CCDC85A: variants seen among roughly 807,000 people sequenced by gnomAD.
The protein encoded by CCDC85A is coiled-coil domain containing 85A.
A neutral mutation model predicts 50.2 loss-of-function variants in CCDC85A; 38 were observed. That is an observed-to-expected ratio of 0.76 (90% CI 0.58 to 0.99). The LOEUF (loss-of-function observed/expected upper bound fraction) is 0.99, where lower values mean the gene tolerates loss of function less well. Ranked by LOEUF, CCDC85A falls within the 50% of genes least tolerant of loss-of-function variation. The pLI is 0.00. For synonymous variants in CCDC85A, 366 were observed against 301.4 expected, an observed-to-expected ratio of 1.21 and a Z score of -2.22; for missense variants, 820 against 742.0, an observed-to-expected ratio of 1.11 and a Z score of -1.22.
rs1213953129 is a variant in CCDC85A at position 56,343,048 on chromosome 2, T to TAAATG, written c.1317+95_1317+99dup. 9 of 861,298 alleles carry TAAATG rather than the reference T, an allele frequency of 1.0e-5. No homozygotes were observed. In the African/African-American group the frequency reaches 1.5e-4, roughly 15 times the overall value. The allele number at this position is 861,298 out of a possible 1,614,324, so 53.4% of individuals were successfully genotyped here. A position where few individuals can be genotyped will look rare whatever the true frequency, so the allele number is the denominator to read the frequency against. On this transcript the variant is annotated intron_variant, in intron 3 of 5. Coordinates refer to ENST00000407595, the MANE Select transcript of CCDC85A (RefSeq NM_001080433.2). ...AAAAGCTCAATGACGTTTTGTCTTT[T>TAAATG]AAATGATAGAAATCATTTTGTAAAT...
intron 2 of CCDC85A, among the ~76,000 whole-genome samples, chr2:56,272,777 G>C (rs2104068625): frequency 6.6e-6 from 1 of 152,258 alleles, no homozygotes; most frequent in African/African-American, 2.4e-5. Context: ...TTTTCTGACT[G>C]ACTGCTTTTC....
At chr2:56,343,097 G>A (rs1674457851) in intron 3 of CCDC85A, 142 bp downstream of exon 3, 1 of 577,716 alleles carries the variant, frequency 1.7e-6, no homozygotes, top group African/African-American at 1.9e-5. Context: ...TGTAGAGTGT[G>A]ATTATGTTCC....
At chr2:56,354,083 C>G (rs953532886) in intron 3 of CCDC85A, among the ~76,000 whole-genome samples, 1 of 152,192 alleles carries the variant, frequency 6.6e-6, no homozygotes, top group African/African-American at 2.4e-5. Context: ...GAAGCCATGA[C>G]ATTTCTCATA....
rs746199201 is a variant in CCDC85A at position 56,384,252 on chromosome 2, T to C, written c.1573-14T>C. The C allele has an allele frequency of 3.9e-6, 3 of 775,112 alleles. No individual in the cohort carries two copies. The highest frequency in any genetic ancestry group is 5.5e-6 in the Non-Finnish European group (3 of 546,864). 48.0% of individuals were successfully genotyped at this position (775,112 alleles called of 1,614,324 possible). On this transcript the variant is annotated splice_polypyrimidine_tract_variant and intron_variant, in intron 5 of 5. Transcript: ENST00000407595. ...GGAAAAGTAAGATACTCACTCCTTC[T>C]TTTTTTTTTTAAGGTTGTGTGGAGG...
chr2:56,208,743 G>T (rs1229823332), intron 2 of CCDC85A, among the ~76,000 whole-genome samples: 2 of 152,044 alleles, frequency 1.3e-5, no homozygotes, highest in East Asian at 3.9e-4. Flanking sequence ...ATGATAAAGG[G>T]CAGGCACAGC....
intron 2 of CCDC85A, among the ~76,000 whole-genome samples, chr2:56,211,762 C>G (rs114454724): frequency 0.021 from 3,199 of 152,090 alleles, 40 homozygotes; most frequent in Middle Eastern, 0.088. Flanking sequence ...CCCCTATCCC[C>G]TGTTACTCAG....
intron 2 of CCDC85A, among the ~76,000 whole-genome samples, chr2:56,282,016 G>A (rs1480380654): frequency 2.0e-5 from 3 of 152,004 alleles, no homozygotes; most frequent in African/African-American, 7.2e-5. Context: ...GATTGCAAAT[G>A]TTATTCCCTA....
intron 5 of CCDC85A, among the ~76,000 whole-genome samples, chr2:56,382,447 C>T (rs1228874576): frequency 6.6e-6 from 1 of 152,046 alleles, no homozygotes; most frequent in Non-Finnish European, 1.5e-5. Flanking sequence ...ATGTAGTTAG[C>T]TATTCTCTTC....
At chr2:56,249,232 G>A (rs188314355) in intron 2 of CCDC85A, among the ~76,000 whole-genome samples, 35 of 152,360 alleles carry the variant, frequency 2.3e-4, no homozygotes, top group Admixed American at 1.7e-3. Flanking sequence ...GAGCAGGGCC[G>A]CCAGACATGA....
intron 5 of CCDC85A, among the ~76,000 whole-genome samples, chr2:56,377,689 C>G (rs1474509909): frequency 6.6e-6 from 1 of 152,018 alleles, no homozygotes; most frequent in Non-Finnish European, 1.5e-5. Flanking sequence ...GAGTTTGAGA[C>G]CAGCCTGGCC....
At chr2:56,302,503 A>T (rs1265655759) in intron 2 of CCDC85A, among the ~76,000 whole-genome samples, 2 of 152,194 alleles carry the variant, frequency 1.3e-5, no homozygotes, top group Non-Finnish European at 2.9e-5. Flanking sequence ...ACAAAGACAG[A>T]AATGGGCATG....
chr2:56,203,036 G>A (rs765564824), intron 2 of CCDC85A, among the ~76,000 whole-genome samples: 4 of 152,190 alleles, frequency 2.6e-5, no homozygotes, highest in Non-Finnish European at 5.9e-5. Flanking sequence ...GGGATGCTGT[G>A]AAGAATTTAA....
intron 3 of CCDC85A, among the ~76,000 whole-genome samples, chr2:56,363,730 C>T (rs2032696): frequency 3.9e-5 from 6 of 152,068 alleles, no homozygotes; most frequent in East Asian, 1.9e-4. Context: ...CATGTGTTCC[C>T]CTGGGCCCTG....
At chr2:56,223,459 A>G (rs1036550175) in intron 2 of CCDC85A, among the ~76,000 whole-genome samples, 4 of 152,154 alleles carry the variant, frequency 2.6e-5, no homozygotes, top group Non-Finnish European at 4.4e-5. Context: ...TTTGTCAACT[A>G]TTGCTCTACA....
intron 2 of CCDC85A, among the ~76,000 whole-genome samples, chr2:56,269,788 A>T (rs1026033962): frequency 3.9e-5 from 6 of 152,016 alleles, no homozygotes; most frequent in African/African-American, 1.5e-4. Flanking sequence ...TATTAGGCTG[A>T]CTCTGGACAT....
chr2:56,342,823 C>A, intron 2 of CCDC85A, 56 bp from the exon 3 acceptor site: 1 of 1,139,070 alleles, frequency 8.8e-7, no homozygotes, highest in Non-Finnish European at 1.3e-6. Context: ...AATATCCTGA[C>A]AGTACACCAA....
rs1676335318 is a variant in CCDC85A at position 56,192,379 on chromosome 2, G to T, written c.277-98G>T. The T allele has an allele frequency of 6.6e-7, 1 of 1,505,300 alleles. No individual in the cohort carries two copies. Among genetic ancestry groups the T allele is most frequent in the Non-Finnish European group, 8.9e-7 (1 of 1,126,516 alleles). 93.2% of individuals were successfully genotyped at this position (1,505,300 alleles called of 1,614,324 possible). A position where few individuals can be genotyped will look rare whatever the true frequency, so the allele number is the denominator to read the frequency against. ...CTCACCTCCTCCCCTAACCTCACAG[G>T]TAATTCACCAGTTACAGGCTCTCCC... On this transcript the variant is annotated intron_variant, in intron 1 of 5. Transcript: ENST00000407595. This position sits in a 1 kb window ranked among gnomAD's most constrained non-coding sequence, Gnocchi z 4.7.
chr2:56,292,284 C>T (rs534352472), intron 2 of CCDC85A, among the ~76,000 whole-genome samples: 31 of 152,114 alleles, frequency 2.0e-4, no homozygotes, highest in South Asian at 1.0e-3. Flanking sequence ...GGGGTTTCAC[C>T]GTGTTAGCCA....
intron 2 of CCDC85A, among the ~76,000 whole-genome samples, chr2:56,239,288 A>G (rs1164675847): frequency 6.6e-6 from 1 of 152,066 alleles, no homozygotes; most frequent in Non-Finnish European, 1.5e-5. Flanking sequence ...TGTTTGTTTA[A>G]AAGTGGTGGG....
Sources: allele counts gnomAD v4.1 joint callset (sites outside exome capture counted in the v4.1 genomes callset), GRCh38; gene constraint gnomAD v4.1.1; non-coding constraint Gnocchi (gnomAD v3.1); transcripts MANE v1.5; gene names NCBI Gene and HGNC (gene_info 2026-07-23, HGNC 2026-07-21).